Variants in CPA4 observed in about 807,000 individuals in gnomAD.
CPA4 encodes carboxypeptidase A3.
A neutral mutation model predicts 54.7 loss-of-function variants in CPA4; 49 were observed. The ratio of observed to expected loss-of-function variants is 0.90; its 90% CI spans 0.71 to 1.14. The LOEUF (loss-of-function observed/expected upper bound fraction) is 1.14. Ranked by LOEUF, CPA4 falls within the 50% of genes most tolerant of loss-of-function variation. The probability of loss-of-function intolerance (pLI) is 0.00; values close to 1 mark genes in which losing one functional copy is unlikely to be tolerated. For synonymous variants in CPA4, 215 were observed against 206.8 expected (o/e 1.04, Z -0.34); for missense variants, 487 against 525.1 (o/e 0.93, Z 0.71).
intron 4 of CPA4, among the ~76,000 whole-genome samples, chr7:130,303,207 G>C (rs1046087569): frequency 3.3e-5 from 5 of 151,936 alleles, no homozygotes; most frequent in Admixed American, 6.5e-5. Context: ...ATTTTCTTTT[G>C]GCCCTCAAGT....
At chr7:130,318,858 G>A (rs1172071663) in intron 10 of CPA4, among the ~76,000 whole-genome samples, 3 of 152,064 alleles carry the variant, frequency 2.0e-5, no homozygotes, top group South Asian at 2.1e-4. Context: ...ATACACAGTC[G>A]ACGTTTGTCC....
chr7:130,305,982 A>G, intron 6 of CPA4, 62 bp downstream of exon 6: 10 of 1,407,498 alleles, frequency 7.1e-6, no homozygotes, highest in Admixed American at 1.7e-5. Context: ...GCAGCATGCC[A>G]TGTGGCTGGG....
chr7:130,311,361 C>T (rs1793910084), intron 9 of CPA4, among the ~76,000 whole-genome samples: 3 of 152,208 alleles, frequency 2.0e-5, no homozygotes, highest in South Asian at 2.1e-4. Flanking sequence ...AGGCCACAGC[C>T]TGGGGTGCTC....
intron 10 of CPA4, among the ~76,000 whole-genome samples, chr7:130,321,748 A>G (rs1326217615): frequency 6.6e-6 from 1 of 152,202 alleles, no homozygotes; most frequent in African/African-American, 2.4e-5. Flanking sequence ...ATCAGATCTC[A>G]TGAGACTTAT....
chr7:130,304,377 C>G, intron 4 of CPA4, 101 bp from the exon 5 acceptor site: 1 of 799,790 alleles, frequency 1.3e-6, no homozygotes, highest in East Asian at 2.4e-5. Flanking sequence ...AGATTAGGGT[C>G]CCGGAAGAGA....
chr7:130,307,445 C>T (rs1373397331), intron 7 of CPA4, among the ~76,000 whole-genome samples: 1 of 151,996 alleles, frequency 6.6e-6, no homozygotes, highest in African/African-American at 2.4e-5. Flanking sequence ...TCCTGGCTAA[C>T]ATGGTGAAAC....
At chr7:130,318,219 G>A (rs1794020773) in intron 10 of CPA4, among the ~76,000 whole-genome samples, 1 of 152,034 alleles carries the variant, frequency 6.6e-6, no homozygotes, top group Non-Finnish European at 1.5e-5. Context: ...GATCTTTGGG[G>A]GTCACCAGGG....
chr7:130,297,876 C>G (rs1793674378), intron 1 of CPA4, among the ~76,000 whole-genome samples: 1 of 152,198 alleles, frequency 6.6e-6, no homozygotes, highest in Non-Finnish European at 1.5e-5. Flanking sequence ...GGCAGCATTT[C>G]AGGCCCTGCT....
At position 130,311,934 on chromosome 7, in the gene CPA4, C is replaced by CGGG. The variant is rs140718945; in HGVS notation, c.994-98_994-96dup. On this transcript the variant is annotated intron_variant, in intron 9 of 10. Transcript: ENST00000222482. ...GGAAACAAGGGACCAGAAAGGAAAT[C>CGGG]GGGGGGGGCTGAGAATCTTCCAAAC... 5 of 813,122 alleles carry CGGG rather than the reference C, an allele frequency of 6.1e-6. No individual in the cohort carries two copies. In the South Asian group the frequency reaches 7.6e-5, roughly 12 times the overall value. 50.4% of individuals were successfully genotyped at this position (813,122 alleles called of 1,614,324 possible).
In CPA4 at chr7:130,310,774, C is replaced by A; in HGVS notation, c.794-13C>A. 1 of 1,612,314 alleles carries A rather than the reference C, an allele frequency of 6.2e-7. No homozygotes were observed. Among genetic ancestry groups the A allele is most frequent in the South Asian group, 1.1e-5 (1 of 91,032 alleles). The stretch of plus-strand genomic sequence containing the variant: ...CTATGAGTTAATGTTTGTTCTTGGG[C>A]TATCCCCAACAGGAAAGGGAGCCAG... On this transcript the variant is annotated splice_polypyrimidine_tract_variant and intron_variant, in intron 8 of 10. Coordinates refer to ENST00000222482, the MANE Select transcript of CPA4 (RefSeq NM_016352.4). This position sits in a 1 kb window ranked among gnomAD's most constrained non-coding sequence, Gnocchi z 4.3.
rs1794154982 is a variant in CPA4, at chr7:130,323,394, T to G, written c.*718T>G. The G allele has an allele frequency of 6.6e-6, 1 of 152,164 alleles. No homozygotes were observed. The highest frequency in any genetic ancestry group is 6.5e-5 in the Admixed American group (1 of 15,274). 9.4% of individuals were successfully genotyped at this position (152,164 alleles called of 1,614,324 possible). On this transcript the variant is annotated 3_prime_UTR_variant, in exon 11 of 11. Coordinates refer to ENST00000222482, the MANE Select transcript of CPA4 (RefSeq NM_016352.4). ...GCCACCATGCCTGGCTAATTTTGTG[T>G]TTTTAGTAGAGACAGGGTTTCTCCA... is the stretch of plus-strand genomic sequence containing the variant.
At chr7:130,315,237 G>C (rs145093449) in intron 10 of CPA4, among the ~76,000 whole-genome samples, 213 of 152,158 alleles carry the variant, frequency 1.4e-3, no homozygotes, top group African/African-American at 4.8e-3. Flanking sequence ...ATGTAGAAGA[G>C]GGGAAACGAG....
chr7:130,310,976 C>T lies in CPA4; in HGVS notation c.983C>T (p.Ala328Val), dbSNP rs758978708. ...YGYSVKKAPD[A>V]EELDKVARLA... ...TACTCAGTCAAAAAGGCCCCAGATG[C>T]CGAGGAACTCGTGAGTCACAGCTGC... Residue 328 changes from alanine to valine, a missense_variant, in exon 9 of 11, where the codon GCC (alanine) becomes GTC (valine). Physicochemically the swap from Ala to Val is moderately conservative, Grantham distance 64. Transcript: ENST00000222482. The surrounding 1 kb of genome is among the most constrained non-coding windows in gnomAD (Gnocchi z 4.3). 3.1e-6 allele frequency: 5 copies of T among 1,613,658 alleles called. No individual in the cohort carries two copies. The South Asian group carries it at 5.5e-5, about 18-fold the overall frequency.
At chr7:130,321,718 G>A (rs909166192) in intron 10 of CPA4, among the ~76,000 whole-genome samples, 4 of 152,042 alleles carry the variant, frequency 2.6e-5, no homozygotes, top group Admixed American at 6.6e-5. Context: ...TAAGCAAAAG[G>A]GGTTTCCCCT....
At chr7:130,319,080 G>A (rs978595217) in intron 10 of CPA4, among the ~76,000 whole-genome samples, 1 of 152,056 alleles carries the variant, frequency 6.6e-6, no homozygotes, top group Non-Finnish European at 1.5e-5. Context: ...AAATGATCCT[G>A]GCCTGTTTTC....
chr7:130,293,232 C>A lies in CPA4; in HGVS notation c.52C>A (p.Gln18Lys). The change falls in exon 1 of 11, where the codon CAA becomes AAA. Residue 18 changes from glutamine (Q) to lysine (K), a missense_variant. Physicochemically the swap from Gln to Lys is moderately conservative, Grantham distance 53. Coordinates refer to ENST00000222482, the MANE Select transcript of CPA4 (RefSeq NM_016352.4). ...CCTTATTGGGTCCAGCATCTGTGGC[C>A]AAGAAAAATTTTTTGGGTAAGTTCC... ...GALIGSSICG[Q>K]EKFFGDQVLR... is the part of the protein sequence containing the mutation. 1.2e-6 allele frequency: 2 copies of A among 1,609,790 alleles called. No individual in the cohort carries two copies. Among genetic ancestry groups the A allele is most frequent in the Non-Finnish European group, 1.7e-6 (2 of 1,176,714 alleles).
Position 130,306,742 on chromosome 7 carries a change from C to T in CPA4, c.592-45C>T, listed in dbSNP as rs748943831. 1.2e-5 allele frequency: 14 copies of T among 1,137,334 alleles called. 1 individual carries two copies. Among genetic ancestry groups the T allele is most frequent in the Non-Finnish European group, 1.5e-5 (11 of 747,850 alleles). The allele number at this position is 1,137,334 out of a possible 1,614,324, so 70.5% of individuals were successfully genotyped here. On this transcript the variant is annotated intron_variant, in intron 6 of 10. Transcript: ENST00000222482. ...AGATACATGGTTCAGCCCTAATGGCCCATCCTGCCATGGGATAGCTGACAA... is the reference window on the plus strand; with the variant it reads ...AGATACATGGTTCAGCCCTAATGGCTCATCCTGCCATGGGATAGCTGACAA...
At chr7:130,316,868 G>T (rs1014948488) in intron 10 of CPA4, among the ~76,000 whole-genome samples, 5 of 147,644 alleles carry the variant, frequency 3.4e-5, no homozygotes, top group African/African-American at 1.2e-4. Context: ...GGGAGGCAGA[G>T]GTTGCACTCC....
intron 3 of CPA4, 135 bp from the exon 4 acceptor site, chr7:130,300,680 TA>T (rs1793726258): frequency 3.3e-6 from 2 of 606,578 alleles, no homozygotes; most frequent in Admixed American, 5.8e-5. Flanking sequence ...AACCCCCTTT[TA>T]AACCTTGACA....
Sources: gnomAD v4.1 joint callset for allele counts (sites outside exome capture counted in the v4.1 genomes callset) on GRCh38, gnomAD v4.1.1 for gene constraint, Gnocchi (gnomAD v3.1) non-coding constraint, MANE v1.5 for transcripts, NCBI Gene and HGNC (gene_info 2026-07-23, HGNC 2026-07-21) for gene names.